GNS: variants seen among roughly 807,000 people sequenced by gnomAD.
GNS encodes the protein glucosamine (N-acetyl)-6-sulfatase, also known as N-acetylglucosamine-6-sulfatase.
Under a neutral mutation model 69.7 loss-of-function variants are expected in GNS, and 40 were observed. The observed-to-expected ratio is 0.57, with a 90% CI of 0.45 to 0.75. The LOEUF (loss-of-function observed/expected upper bound fraction) is 0.75, where lower values mean the gene tolerates loss of function less well. GNS is among the 30% of genes least tolerant of loss of function. The pLI is 0.00. For synonymous variants in GNS, 243 were observed against 251.6 expected, an observed-to-expected ratio of 0.97 and a Z score of 0.32; for missense variants, 565 against 685.5, an observed-to-expected ratio of 0.82 and a Z score of 1.96.
intron 13 of GNS, among the ~76,000 whole-genome samples, chr12:64,718,939 T>C (rs1212770283): frequency 6.6e-6 from 1 of 152,240 alleles, no homozygotes; most frequent in African/African-American, 2.4e-5. Flanking sequence ...TAGGATCTAT[T>C]TCACTAACTT....
rs139394351 is a variant in GNS at position 64,758,309 on chromosome 12, C to CTTTT, written c.192+772_192+775dup. On this transcript the variant is annotated intron_variant, in intron 1 of 13. Transcript: ENST00000258145. Reference sequence around the variant, plus strand: ...CCTACCAGATTAGTTCACTTCAGGCCTTTTTTTTTTTTTTTTTTTTTTTTT... The same window carrying CTTTT: ...CCTACCAGATTAGTTCACTTCAGGCCTTTTTTTTTTTTTTTTTTTTTTTTTTTTT... Among the ~76,000 whole-genome samples, 380 of 67,398 alleles carry CTTTT rather than the reference C, an allele frequency of 5.6e-3. 43 individuals are homozygous for CTTTT. Among genetic ancestry groups the CTTTT allele is most frequent in the South Asian group, 9.5e-3 (11 of 1,156 alleles). The allele number at this position is 67,398 out of a possible 152,430, so 44.2% of individuals were successfully genotyped here.
intron 3 of GNS, 135 bp from the exon 4 acceptor site, chr12:64,745,859 A>G (rs1168381598): frequency 1.4e-6 from 1 of 698,042 alleles, no homozygotes; most frequent in East Asian, 2.7e-5. Context: ...AATAGACACT[A>G]GTCAAAAATA....
At chr12:64,725,797 C>A (rs1869176988) in intron 10 of GNS, among the ~76,000 whole-genome samples, 1 of 151,726 alleles carries the variant, frequency 6.6e-6, no homozygotes, top group Admixed American at 6.6e-5. Flanking sequence ...GAGATCGAGA[C>A]CATCCTGGCT....
At chr12:64,758,159 A>G (rs1458276774) in intron 1 of GNS, among the ~76,000 whole-genome samples, 2 of 152,134 alleles carry the variant, frequency 1.3e-5, no homozygotes, top group African/African-American at 4.8e-5. Flanking sequence ...TCTTGTGACA[A>G]CACCCATTAG....
intron 2 of GNS, among the ~76,000 whole-genome samples, chr12:64,749,355 C>T (rs1870003213): frequency 6.7e-6 from 1 of 149,582 alleles, no homozygotes; most frequent in South Asian, 2.1e-4. Flanking sequence ...TGGGTTCACG[C>T]CATTCTCCTG....
intron 1 of GNS, among the ~76,000 whole-genome samples, chr12:64,756,279 A>G (rs1870247809): frequency 6.6e-6 from 1 of 152,216 alleles, no homozygotes; most frequent in Admixed American, 6.5e-5. Context: ...TTTGCCAACT[A>G]TGGCAGCAAT....
chr12:64,730,631 G>T (rs1869361933), intron 9 of GNS, among the ~76,000 whole-genome samples: 1 of 151,994 alleles, frequency 6.6e-6, no homozygotes, highest in African/African-American at 2.4e-5. Flanking sequence ...CTCAGTGGGG[G>T]AAAAACCTCA....
chr12:64,743,266 C>A lies in GNS; in HGVS notation c.667G>T (p.Glu223Ter). 1 of 1,613,438 alleles carries A rather than the reference C, an allele frequency of 6.2e-7. No individual in the cohort carries two copies. The highest frequency in any genetic ancestry group is 8.5e-7 in the Non-Finnish European group (1 of 1,179,446). ...GTGGCGATCATCATGAAGAAGGGCT[C>A]AAAGTTGGACTTGTAGTCCAGAAAG... ...LDFLDYKSNFEPFFMMIATPA... is the reference protein window; with the variant it reads ...LDFLDYKSNF The change falls in exon 6 of 14, where the codon GAG (glutamate) becomes TAG (stop). Residue 223 changes from glutamate to a stop codon, truncating the protein, a stop_gained. Coordinates refer to ENST00000258145, the MANE Select transcript of GNS (RefSeq NM_002076.4). LOFTEE classifies it high-confidence loss of function.
At chr12:64,746,056 C>T (rs761790568) in intron 3 of GNS, 7 of 382,730 alleles carry the variant, frequency 1.8e-5, no homozygotes, top group East Asian at 1.7e-4. Context: ...ATTTTAACAG[C>T]GATAAAGAGT....
intron 11 of GNS, 25 bp downstream of exon 11, chr12:64,722,981 T>A: frequency 7.5e-7 from 1 of 1,337,952 alleles, no homozygotes; most frequent in Non-Finnish European, 1.1e-6. Flanking sequence ...GAAAGCTGTC[T>A]AAGTTGATTC....
chr12:64,759,300 CCGGGACGGGA>C lies in GNS; in HGVS notation c.-34_-25del, dbSNP rs559286032. On this transcript the variant is annotated 5_prime_UTR_variant, in exon 1 of 14. Transcript: ENST00000258145. ...ATAGCGGACAGGCTCCGGGGTGACC[CCGGGACGGGA>C]CGGGACGGAGGGACGCACAGGTAGC... 7 of 1,467,548 alleles carry C rather than the reference CCGGGACGGGA, an allele frequency of 4.8e-6. No individual in the cohort carries two copies. The South Asian group carries it at 6.8e-5, about 14-fold the overall frequency. 90.9% of individuals were successfully genotyped at this position (1,467,548 alleles called of 1,614,324 possible). A position where few individuals can be genotyped will look rare whatever the true frequency, so the allele number is the denominator to read the frequency against.
intron 8 of GNS, among the ~76,000 whole-genome samples, chr12:64,738,177 T>G (rs959406387): frequency 6.6e-6 from 1 of 152,110 alleles, no homozygotes; most frequent in Non-Finnish European, 1.5e-5. Context: ...ACCTGGCTAA[T>G]TTTTGTATTT....
In GNS at chr12:64,728,732, CTTTA is replaced by C. The variant is rs1869290144; in HGVS notation, c.1200+220_1200+223del. On this transcript the variant is annotated intron_variant, in intron 10 of 13. Coordinates refer to ENST00000258145, the MANE Select transcript of GNS (RefSeq NM_002076.4). The stretch of plus-strand genomic sequence containing the variant: ...TGTTGCAAGTGTGTTCCCAACCTCT[CTTTA>C]TTTATGGTGGGTGTTCTTAAAGGAG... Among the ~76,000 whole-genome samples the C allele has an allele frequency of 2.0e-5, 3 of 152,118 alleles. No homozygotes were observed. In the South Asian group the frequency reaches 6.2e-4, roughly 32 times the overall value.
chr12:64,754,374 G>A (rs146814620), intron 1 of GNS, among the ~76,000 whole-genome samples: 11 of 152,288 alleles, frequency 7.2e-5, no homozygotes, highest in East Asian at 5.8e-4. Flanking sequence ...ACTTCAGTAC[G>A]GAGAGCCATG....
intron 6 of GNS, among the ~76,000 whole-genome samples, chr12:64,742,009 T>A (rs964822076): frequency 6.6e-6 from 1 of 152,212 alleles, no homozygotes; most frequent in African/African-American, 2.4e-5. Flanking sequence ...TTATCTTATC[T>A]TGTCTCATCT....
intron 1 of GNS, among the ~76,000 whole-genome samples, chr12:64,756,944 A>C (rs1438761609): frequency 1.3e-5 from 2 of 152,090 alleles, no homozygotes; most frequent in African/African-American, 4.8e-5. Context: ...TCAAGAGTTC[A>C]GGAGTTCAAG....
chr12:64,756,418 C>T (rs1233314494), intron 1 of GNS, among the ~76,000 whole-genome samples: 1 of 152,076 alleles, frequency 6.6e-6, no homozygotes, highest in Admixed American at 6.6e-5. Flanking sequence ...ACTCTCTGAC[C>T]TATGGTGTGA....
intron 2 of GNS, among the ~76,000 whole-genome samples, chr12:64,748,360 T>C (rs1317676277): frequency 1.3e-5 from 2 of 151,330 alleles, no homozygotes; most frequent in African/African-American, 4.9e-5. Context: ...GCCACCATCC[T>C]GGCTTTTTTT....
In GNS at chr12:64,727,584, G is replaced by A. The variant is rs78405733; in HGVS notation, c.1200+1372C>T. On this transcript the variant is annotated intron_variant, in intron 10 of 13. Coordinates refer to ENST00000258145, the MANE Select transcript of GNS (RefSeq NM_002076.4). ...GTAAAACAGAAGAAGGTACTGACAC[G>A]TTACAATGATATGATCCTTGAAAAC... Among the ~76,000 whole-genome samples the A allele has an allele frequency of 1.4e-4, 21 of 152,238 alleles. 1 individual carries two copies. The East Asian group carries it at 3.9e-3, about 28-fold the overall frequency.
Sources: allele counts gnomAD v4.1 joint callset (sites outside exome capture counted in the v4.1 genomes callset), GRCh38; gene constraint gnomAD v4.1.1; transcripts MANE v1.5; gene names NCBI Gene and HGNC (gene_info 2026-07-23, HGNC 2026-07-21).